Variants in PCDHA5 observed in about 807,000 individuals in gnomAD.
PCDHA5 encodes the protein protocadherin alpha 5, also known as protocadherin alpha-5.
A neutral mutation model predicts 61.6 loss-of-function variants in PCDHA5; 43 were observed. The ratio of observed to expected loss-of-function variants is 0.70; its 90% CI spans 0.55 to 0.90. The LOEUF is 0.90. Ranked by LOEUF, PCDHA5 falls within the 40% of genes least tolerant of loss-of-function variation. The pLI is 0.00. For synonymous variants in PCDHA5, 627 were observed against 543.9 expected (o/e 1.15, Z -2.13); for missense variants, 1,298 against 1,222.7 (o/e 1.06, Z -0.92).
In PCDHA5 at chr5:140,858,360, G is replaced by A. The variant is rs782369682; in HGVS notation, c.2352+34233G>A. The stretch of plus-strand genomic sequence containing the variant: ...CCCAAGGCGGACCTCATGGCCTTCA[G>A]CCCCAGCCTTCCACCATGCCCAATG... On this transcript the variant is annotated intron_variant, in intron 1 of 3. Coordinates refer to ENST00000529859, the MANE Select transcript of PCDHA5 (RefSeq NM_018908.3). 3 of 1,592,532 alleles carry A rather than the reference G, an allele frequency of 1.9e-6. No homozygotes were observed. The South Asian group carries it at 3.3e-5, about 18-fold the overall frequency.
intron 1 of PCDHA5, chr5:140,829,316 C>T (rs2150165789): frequency 2.5e-6 from 4 of 1,614,262 alleles, no homozygotes; most frequent in Admixed American, 3.3e-5. Flanking sequence ...CTCGTTGGTG[C>T]TGGACAGTGC....
intron 3 of PCDHA5, among the ~76,000 whole-genome samples, chr5:140,991,982 A>ACCAC (rs2097483325): frequency 6.6e-6 from 1 of 151,494 alleles, no homozygotes; most frequent in African/African-American, 2.4e-5. Context: ...TATTCTGCCT[A>ACCAC]CCACCCGGTC....
At chr5:140,858,375 C>T (rs1252920038) in intron 1 of PCDHA5, 4 of 1,587,834 alleles carry the variant, frequency 2.5e-6, no homozygotes, top group Non-Finnish European at 3.4e-6. Flanking sequence ...AGCCTTCCAC[C>T]ATGCCCAATG....
chr5:140,835,878 G>T lies in PCDHA5; in HGVS notation c.2352+11751G>T, dbSNP rs138465402. On this transcript the variant is annotated intron_variant, in intron 1 of 3. Coordinates refer to ENST00000529859, the MANE Select transcript of PCDHA5 (RefSeq NM_018908.3). ...GTCCTACTCGCTGGTGGAGCTGCGG[G>T]TGGGCGAGCGCGCGCTGTCGAGCTA... The T allele has an allele frequency of 1.4e-4, 227 of 1,611,876 alleles. 3 individuals carry two copies. The highest frequency in any genetic ancestry group is 3.7e-4 in the Admixed American group (22 of 59,972).
intron 1 of PCDHA5, among the ~76,000 whole-genome samples, chr5:140,941,241 T>TTCTTTCTTTCTTTCTTTCTC (rs1585048929): frequency 7.1e-6 from 1 of 140,568 alleles, no homozygotes; most frequent in East Asian, 2.0e-4. Context: ...CTTTCTTTCT[T>TTCTTTCTTTCTTTCTTTCTC]TCTTTCTTTC....
rs2150358522 is a variant in PCDHA5 at position 140,843,370 on chromosome 5, G to C, written c.2352+19243G>C. 44 of 1,595,972 alleles carry C rather than the reference G, an allele frequency of 2.8e-5. 4 individuals carry two copies. The highest frequency in any genetic ancestry group is 3.5e-5 in the Non-Finnish European group (41 of 1,165,612). ...CTCCAAAAGCGTCATCGAGGCAGTC[G>C]GCTGGCGTTTTGGGTCCGGAAGCGG... On this transcript the variant is annotated intron_variant, in intron 1 of 3. Transcript: ENST00000529859.
rs782026526 is a variant in PCDHA5, at chr5:140,857,844, ACT to A, written c.2352+33720_2352+33721del. The stretch of plus-strand genomic sequence containing the variant: ...GCTAAGGTGCGCGCAGTGGACGCTG[ACT>A]CTGGATACAACGCGTGGCTGTCGTA... On this transcript the variant is annotated intron_variant, in intron 1 of 3. Transcript: ENST00000529859. 1.0e-5 allele frequency: 16 copies of A among 1,596,614 alleles called. No homozygotes were observed. In the Admixed American group the frequency reaches 1.2e-4, roughly 12 times the overall value.
intron 1 of PCDHA5, among the ~76,000 whole-genome samples, chr5:140,915,068 ACTGAGTAG>A (rs2076964271): frequency 1.3e-5 from 2 of 150,322 alleles, no homozygotes; most frequent in South Asian, 4.2e-4. Context: ...GCCTTAGCCT[ACTGAGTAG>A]CTGGGACTAT....
intron 2 of PCDHA5, among the ~76,000 whole-genome samples, chr5:140,981,738 A>C: frequency 6.6e-6 from 1 of 152,114 alleles, no homozygotes. Flanking sequence ...TGAGAGATTA[A>C]TATGAGTTAG....
In PCDHA5 at chr5:140,829,080, T is replaced by A. The variant is rs375670586; in HGVS notation, c.2352+4953T>A. Reference sequence around the variant, plus strand: ...GCCACGGACAAAGGCCATCCTCCCATGGCGGGTCATTGCACCGTTTTAGTG... The same window carrying A: ...GCCACGGACAAAGGCCATCCTCCCAAGGCGGGTCATTGCACCGTTTTAGTG... On this transcript the variant is annotated intron_variant, in intron 1 of 3. Coordinates refer to ENST00000529859, the MANE Select transcript of PCDHA5 (RefSeq NM_018908.3). The A allele has an allele frequency of 6.2e-7, 1 of 1,611,960 alleles. No individual in the cohort carries two copies.
intron 1 of PCDHA5, chr5:140,877,626 C>T: frequency 6.2e-7 from 1 of 1,613,828 alleles, no homozygotes; most frequent in African/African-American, 1.3e-5. Context: ...TGCTGCTGTA[C>T]ACTGCGCTGC....
intron 1 of PCDHA5, among the ~76,000 whole-genome samples, chr5:140,921,179 G>A (rs1346400425): frequency 1.3e-5 from 2 of 151,662 alleles, no homozygotes; most frequent in Non-Finnish European, 2.9e-5. Context: ...ATAAAGCACA[G>A]TTTTTTCACA....
At chr5:140,848,565 T>C (rs2150412911) in intron 1 of PCDHA5, 2 of 1,595,404 alleles carry the variant, frequency 1.3e-6, no homozygotes, top group African/African-American at 1.3e-5. Flanking sequence ...CCTCGCAATG[T>C]GGGTGGTGGG....
chr5:140,834,233 T>G, intron 1 of PCDHA5: 1 of 758,570 alleles, frequency 1.3e-6, no homozygotes, highest in Non-Finnish European at 2.1e-6. Flanking sequence ...AGGAAGTCAT[T>G]CCTTTTCGCA....
chr5:140,844,004 C>G (rs1427252169), intron 1 of PCDHA5, among the ~76,000 whole-genome samples: 1 of 149,654 alleles, frequency 6.7e-6, no homozygotes, highest in Non-Finnish European at 1.5e-5. Context: ...CTGAACAATA[C>G]TCTAAGGACG....
intron 1 of PCDHA5, chr5:140,882,120 CT>C (rs2058961361): frequency 6.9e-7 from 1 of 1,449,002 alleles, no homozygotes; most frequent in East Asian, 2.3e-5. Flanking sequence ...GCCGCCGTTT[CT>C]TTCTTCCTGC....
chr5:140,927,733 C>T (rs782446148), intron 1 of PCDHA5: 7 of 1,614,198 alleles, frequency 4.3e-6, no homozygotes, highest in South Asian at 2.2e-5. Context: ...AGCAGAGCTG[C>T]GACACCGCTT....
At chr5:140,967,252 G>A (rs199714982) in intron 1 of PCDHA5, 1 of 1,613,504 alleles carries the variant, frequency 6.2e-7, no homozygotes, top group Non-Finnish European at 8.5e-7. Flanking sequence ...AATCGGTGGC[G>A]CCTGGAGCGC....
At chr5:140,828,203 G>T in intron 1 of PCDHA5, 1 of 1,614,078 alleles carries the variant, frequency 6.2e-7, no homozygotes, top group Non-Finnish European at 8.5e-7. Flanking sequence ...CGTACCCGAG[G>T]AGGCCAAACA....
Sources: allele counts gnomAD v4.1 joint callset (sites outside exome capture counted in the v4.1 genomes callset), GRCh38; gene constraint gnomAD v4.1.1; transcripts MANE v1.5; gene names NCBI Gene and HGNC (gene_info 2026-07-23, HGNC 2026-07-21).